FSTL4: variants seen among roughly 807,000 people sequenced by gnomAD.
FSTL4 encodes the protein follistatin-related protein 4.
Under a neutral mutation model 78.2 loss-of-function variants are expected in FSTL4, and 28 were observed. The observed-to-expected ratio is 0.36, with a 90% CI of 0.27 to 0.49. FSTL4 has a LOEUF of 0.49. FSTL4 is among the 20% of genes least tolerant of loss of function. The probability of loss-of-function intolerance (pLI) is 0.98; values close to 1 mark genes in which losing one functional copy is unlikely to be tolerated. For missense variants in FSTL4, 922 were observed against 1,084.9 expected (o/e 0.85, Z 2.11); for synonymous variants, 422 against 440.5 (o/e 0.96, Z 0.53).
chr5:133,677,076 C>A, the FSTL4 span, among the ~76,000 whole-genome samples: 2 of 152,208 alleles, frequency 1.3e-5, no homozygotes, highest in African/African-American at 2.4e-5. Flanking sequence ...CGTGCTCACA[C>A]AAATTTAGTC....
rs926965280 is a variant in FSTL4, at chr5:133,197,172, G to A, written c.*1923C>T. ...CTTTAGGCTCAGAGATCCTTTTTCT[G>A]TCAGGGGCTGATACAATGGAAATTT... is the stretch of plus-strand genomic sequence containing the variant. On this transcript the variant is annotated 3_prime_UTR_variant, in exon 16 of 16. Coordinates refer to ENST00000265342, the MANE Select transcript of FSTL4 (RefSeq NM_015082.2). The A allele has an allele frequency of 6.6e-6, 1 of 152,032 alleles. No homozygotes were observed. Among genetic ancestry groups the A allele is most frequent in the Non-Finnish European group, 1.5e-5 (1 of 68,034 alleles). The allele number at this position is 152,032 out of a possible 1,614,324, so 9.4% of individuals were successfully genotyped here.
At chr5:133,268,433 A>AC (rs1752691838) in intron 6 of FSTL4, among the ~76,000 whole-genome samples, 1 of 152,098 alleles carries the variant, frequency 6.6e-6, no homozygotes, top group African/African-American at 2.4e-5. Flanking sequence ...CTACCCCCCT[A>AC]CATGGGTGTT....
intron 4 of FSTL4, among the ~76,000 whole-genome samples, chr5:133,391,327 C>T (rs1213540661): frequency 1.3e-5 from 2 of 152,204 alleles, no homozygotes; most frequent in Non-Finnish European, 2.9e-5. Flanking sequence ...CATCTGGCTC[C>T]TGGTGATCAT....
the FSTL4 span, among the ~76,000 whole-genome samples, chr5:133,820,009 A>G: frequency 1.3e-5 from 2 of 152,216 alleles, no homozygotes; most frequent in African/African-American, 2.4e-5. Flanking sequence ...CAACTATAGA[A>G]AACGGCAGAA....
At chr5:133,431,159 C>T (rs1185547555) in intron 3 of FSTL4, among the ~76,000 whole-genome samples, 1 of 152,194 alleles carries the variant, frequency 6.6e-6, no homozygotes, top group Non-Finnish European at 1.5e-5. Context: ...CTGGCACTTT[C>T]CCACTGAACC....
chr5:133,701,843 C>G, the FSTL4 span, among the ~76,000 whole-genome samples: 3 of 152,150 alleles, frequency 2.0e-5, no homozygotes, highest in African/African-American at 7.2e-5. Flanking sequence ...CACTCAGTTC[C>G]ACAGAGAACA....
chr5:133,478,832 T>C (rs925410103), intron 3 of FSTL4, among the ~76,000 whole-genome samples: 1 of 152,056 alleles, frequency 6.6e-6, no homozygotes, highest in Non-Finnish European at 1.5e-5. Flanking sequence ...GGTGCCTTGT[T>C]AGGCAGGGGT....
the FSTL4 span, among the ~76,000 whole-genome samples, chr5:133,744,180 A>G: frequency 6.6e-6 from 1 of 152,204 alleles, no homozygotes; most frequent in African/African-American, 2.4e-5. Context: ...TGCAACCCAA[A>G]GATTCATAAC....
chr5:133,226,714 G>T (rs1338529772), intron 8 of FSTL4, among the ~76,000 whole-genome samples: 1 of 152,236 alleles, frequency 6.6e-6, no homozygotes, highest in African/African-American at 2.4e-5. Flanking sequence ...AGATGGGGGA[G>T]ATGGATTCTT....
chr5:133,725,448 A>G, the FSTL4 span, among the ~76,000 whole-genome samples: 8 of 152,224 alleles, frequency 5.3e-5, no homozygotes, highest in African/African-American at 1.9e-4. Context: ...TCCACGAGCC[A>G]CCCACTCCCT....
chr5:133,777,159 GA>G, the FSTL4 span, among the ~76,000 whole-genome samples: 2 of 151,824 alleles, frequency 1.3e-5, no homozygotes, highest in Admixed American at 1.3e-4. Context: ...AAATGAGAAG[GA>G]AAAATAGGAA....
chr5:133,838,058 T>C, the FSTL4 span, among the ~76,000 whole-genome samples: 2 of 152,224 alleles, frequency 1.3e-5, no homozygotes, highest in East Asian at 3.9e-4. Context: ...CAGCTAATTT[T>C]TGCATTTTTA....
intron 3 of FSTL4, among the ~76,000 whole-genome samples, chr5:133,499,029 C>T (rs1417954833): frequency 7.6e-6 from 1 of 131,028 alleles, no homozygotes; most frequent in East Asian, 2.3e-4. Flanking sequence ...ACACACATTG[C>T]ACTCGCAGGT....
At chr5:133,268,641 G>A (rs7717776) in intron 6 of FSTL4, among the ~76,000 whole-genome samples, 2,871 of 152,246 alleles carry the variant, frequency 0.019, 89 homozygotes, top group African/African-American at 0.066. Context: ...GGAGGAGGGA[G>A]TGAGCTGTTT....
intron 6 of FSTL4, among the ~76,000 whole-genome samples, chr5:133,282,294 C>T (rs748683880): frequency 3.3e-5 from 5 of 152,116 alleles, no homozygotes; most frequent in Non-Finnish European, 7.4e-5. Flanking sequence ...CACCAAACCA[C>T]ATGCTCAGGC....
At chr5:133,491,044 A>G (rs1758255616) in intron 3 of FSTL4, among the ~76,000 whole-genome samples, 1 of 152,198 alleles carries the variant, frequency 6.6e-6, no homozygotes, top group Admixed American at 6.5e-5. Context: ...TGTACACCAA[A>G]ACCCTGCAAC....
In FSTL4 at chr5:133,196,721, C is replaced by A. The variant is rs141578302; in HGVS notation, c.*2374G>T. On this transcript the variant is annotated 3_prime_UTR_variant, in exon 16 of 16. Transcript: ENST00000265342. ...TGGGAGAAAGGGCAGGCCAGTCTGGCCTTCCTCCTCTTCCTCCTTCTCCTC... is the reference window on the plus strand; with the variant it reads ...TGGGAGAAAGGGCAGGCCAGTCTGGACTTCCTCCTCTTCCTCCTTCTCCTC... 1.3e-5 allele frequency: 2 copies of A among 152,282 alleles called. No individual in the cohort carries two copies. Among genetic ancestry groups the A allele is most frequent in the African/African-American group, 2.4e-5 (1 of 41,444 alleles). 9.4% of individuals were successfully genotyped at this position (152,282 alleles called of 1,614,324 possible). A position where few individuals can be genotyped will look rare whatever the true frequency, so the allele number is the denominator to read the frequency against.
the FSTL4 span, among the ~76,000 whole-genome samples, chr5:133,812,500 C>T: frequency 6.6e-6 from 1 of 152,240 alleles, no homozygotes; most frequent in African/African-American, 2.4e-5. Flanking sequence ...GGCCTTTGCA[C>T]CAGCTGATCC....
chr5:133,309,709 A>G (rs1020059544), intron 6 of FSTL4, among the ~76,000 whole-genome samples: 1 of 152,032 alleles, frequency 6.6e-6, no homozygotes, highest in Non-Finnish European at 1.5e-5. Flanking sequence ...GATAAATACA[A>G]CTTCCTTCTC....
Sources: allele counts gnomAD v4.1 joint callset (sites outside exome capture counted in the v4.1 genomes callset), GRCh38; gene constraint gnomAD v4.1.1; transcripts MANE v1.5; gene names NCBI Gene and HGNC (gene_info 2026-07-23, HGNC 2026-07-21).